The following PAPPA variants were observed in gnomAD, a reference collection of about 807,000 sequenced individuals.
The protein encoded by PAPPA is pappalysin-1.
A neutral mutation model predicts 164.0 loss-of-function variants in PAPPA; 60 were observed. That is an observed-to-expected ratio of 0.37 (90% confidence interval 0.30 to 0.45). PAPPA has a LOEUF of 0.45. PAPPA is among the 20% of genes least tolerant of loss of function. The pLI is 1.00. For missense variants in PAPPA, 1,782 were observed against 2,087.3 expected, an observed-to-expected ratio of 0.85 and a Z score of 2.85; for synonymous variants, 875 against 814.1, an observed-to-expected ratio of 1.07 and a Z score of -1.27.
chr9:116,283,224 C>G lies in PAPPA; in HGVS notation c.2953+11808C>G, dbSNP rs1176660214. On this transcript the variant is annotated intron_variant, in intron 9 of 21. Transcript: ENST00000328252. ...CAATGCAGGGTTAAGCAGCAGAAAC[C>G]TTTGTTAGAGGGCTGCAGAAGACAG... 2.0e-5 allele frequency among the ~76,000 whole-genome samples: 3 copies of G among 152,120 alleles called. No individual in the cohort carries two copies. The East Asian group carries it at 5.8e-4, about 29-fold the overall frequency.
intron 2 of PAPPA, among the ~76,000 whole-genome samples, chr9:116,200,004 T>C (rs1011859130): frequency 6.6e-6 from 1 of 152,114 alleles, no homozygotes; most frequent in African/African-American, 2.4e-5. Flanking sequence ...TCTGCCCCCA[T>C]GACACAAACA....
At chr9:116,237,804 C>T (rs1286475011) in intron 7 of PAPPA, among the ~76,000 whole-genome samples, 1 of 151,960 alleles carries the variant, frequency 6.6e-6, no homozygotes, top group East Asian at 1.9e-4. Context: ...GCTGCAACCT[C>T]CACCCCCCAG....
intron 21 of PAPPA, among the ~76,000 whole-genome samples, chr9:116,392,532 G>GTATTCACCGCTTGAGCCTGCATGAACAGT (rs1846907419): frequency 6.6e-6 from 1 of 152,216 alleles, no homozygotes; most frequent in Non-Finnish European, 1.5e-5. Context: ...GTGTACAATG[G>GTATTCACCGCTTGAGCCTGCATGAACAGT]TATTCACCGC....
intron 17 of PAPPA, 126 bp from the exon 18 acceptor site, chr9:116,362,466 G>T: frequency 1.0e-6 from 1 of 973,938 alleles, no homozygotes; most frequent in Admixed American, 2.7e-5. Context: ...CCATTGTTAA[G>T]AAATTGTTTT....
chr9:116,371,246 G>A (rs1418306025), intron 19 of PAPPA, among the ~76,000 whole-genome samples: 5 of 152,042 alleles, frequency 3.3e-5, no homozygotes, highest in Admixed American at 1.3e-4. Context: ...GTGAAACCCC[G>A]TCTCTACTAA....
chr9:116,260,788 G>T (rs919892625), intron 7 of PAPPA, among the ~76,000 whole-genome samples: 1 of 152,092 alleles, frequency 6.6e-6, no homozygotes, highest in East Asian at 1.9e-4. Context: ...CTTGTCCATG[G>T]TCAATGAGTC....
In PAPPA at chr9:116,271,393, A is replaced by G. The variant is rs762216046; in HGVS notation, c.2930A>G (p.Gln977Arg). ...GATGGCTGCTCCCTTTTCTGCCGAC[A>G]AGAAGTCTCCTTCAATTGTATTGGT... ...NGDGCSLFCR[Q>R]EVSFNCIDEP... The change falls in exon 9 of 22, where the codon CAA becomes CGA. Residue 977 changes from glutamine to arginine, a missense_variant. Around this residue, in one of 2 missense-constraint regions of PAPPA, gnomAD observed 1,324 missense variants for 1,656.9 expected, o/e 0.80. Transcript: ENST00000328252. The surrounding 1 kb of genome is among the most constrained non-coding windows in gnomAD (Gnocchi z 4.2). The G allele has an allele frequency of 6.2e-7, 1 of 1,613,374 alleles. No individual in the cohort carries two copies. Among genetic ancestry groups the G allele is most frequent in the Non-Finnish European group, 8.5e-7 (1 of 1,179,268 alleles).
At chr9:116,253,862 A>G (rs982818688) in intron 7 of PAPPA, among the ~76,000 whole-genome samples, 21 of 152,228 alleles carry the variant, frequency 1.4e-4, no homozygotes, top group African/African-American at 4.6e-4. Context: ...AAAATTTTCT[A>G]GGTACTCAAT....
chr9:116,205,719 C>T (rs1230215002), intron 2 of PAPPA, among the ~76,000 whole-genome samples: 1 of 152,206 alleles, frequency 6.6e-6, no homozygotes, highest in Non-Finnish European at 1.5e-5. Flanking sequence ...AGGCTTTCTA[C>T]ATGCCAGGCA....
chr9:116,201,069 T>A (rs1439458087), intron 2 of PAPPA, among the ~76,000 whole-genome samples: 1 of 152,214 alleles, frequency 6.6e-6, no homozygotes, highest in East Asian at 1.9e-4. Context: ...TCTCTTTTTA[T>A]AGACTGGAGA....
intron 18 of PAPPA, among the ~76,000 whole-genome samples, chr9:116,367,244 T>C (rs1846512919): frequency 6.6e-6 from 1 of 152,164 alleles, no homozygotes; most frequent in South Asian, 2.1e-4. Context: ...AAACCAAGTG[T>C]AGTTCAGTCC....
intron 8 of PAPPA, among the ~76,000 whole-genome samples, chr9:116,270,067 G>T (rs555878366): frequency 1.3e-5 from 2 of 152,264 alleles, no homozygotes; most frequent in South Asian, 4.2e-4. Flanking sequence ...AAAGTCTAAG[G>T]CCTCTTCCAT....
At chr9:116,213,304 T>G (rs941521865) in intron 4 of PAPPA, among the ~76,000 whole-genome samples, 13 of 152,194 alleles carry the variant, frequency 8.5e-5, no homozygotes, top group African/African-American at 1.4e-4. Flanking sequence ...CTTGTCCATT[T>G]GGGCTGATGA....
intron 9 of PAPPA, among the ~76,000 whole-genome samples, chr9:116,299,669 C>T (rs1289144366): frequency 3.3e-5 from 5 of 152,108 alleles, no homozygotes; most frequent in Admixed American, 6.6e-5. Context: ...GTAGCTGTGG[C>T]ATGTAGGGAG....
At chr9:116,265,357 G>C (rs962236224) in intron 7 of PAPPA, among the ~76,000 whole-genome samples, 15 of 152,316 alleles carry the variant, frequency 9.8e-5, no homozygotes, top group African/African-American at 3.6e-4. Flanking sequence ...GGGAGGCAGA[G>C]AGCCACTGTA....
At chr9:116,381,464 C>T (rs891449404) in intron 20 of PAPPA, among the ~76,000 whole-genome samples, 3 of 152,280 alleles carry the variant, frequency 2.0e-5, no homozygotes, top group South Asian at 4.1e-4. Context: ...AATGTGCTAG[C>T]GGTTGGGATG....
chr9:116,329,177 T>G (rs1845958794), intron 10 of PAPPA, among the ~76,000 whole-genome samples: 1 of 152,066 alleles, frequency 6.6e-6, no homozygotes, highest in Non-Finnish European at 1.5e-5. Context: ...GCATAGAATA[T>G]AGATGGGATT....
intron 21 of PAPPA, among the ~76,000 whole-genome samples, chr9:116,393,615 C>T (rs535889341): frequency 1.9e-3 from 282 of 152,094 alleles, no homozygotes; most frequent in Non-Finnish European, 3.5e-3. Flanking sequence ...AAGTAATTGC[C>T]GTTTTTACCA....
At chr9:116,165,985 G>C (rs1843715261) in intron 1 of PAPPA, among the ~76,000 whole-genome samples, 1 of 152,148 alleles carries the variant, frequency 6.6e-6, no homozygotes, top group Admixed American at 6.6e-5. Flanking sequence ...CTCAGTATCT[G>C]ACCTATAAAG....
Sources: allele counts gnomAD v4.1 joint callset (sites outside exome capture counted in the v4.1 genomes callset), GRCh38; gene constraint gnomAD v4.1.1; regional missense constraint gnomAD v4.1.1; non-coding constraint Gnocchi (gnomAD v3.1); transcripts MANE v1.5; gene names NCBI Gene and HGNC (gene_info 2026-07-23, HGNC 2026-07-21).